MAGI2: variants seen among roughly 807,000 people sequenced by gnomAD.
The protein encoded by MAGI2 is membrane-associated guanylate kinase, WW and PDZ domain-containing protein 2.
MAGI2 carries 35 observed loss-of-function variants against 133.3 expected under a neutral mutation model. The observed-to-expected ratio is 0.26, with a 90% CI of 0.20 to 0.35. MAGI2 has a LOEUF of 0.35. Among genes scored for constraint, MAGI2 ranks in the 10% least tolerant of loss-of-function variants. The pLI, the probability that MAGI2 is intolerant of heterozygous loss-of-function variation, is 1.00. For missense variants in MAGI2, 1,636 were observed against 1,863.4 expected (o/e 0.88, Z 2.25); for synonymous variants, 729 against 710.6 (o/e 1.03, Z -0.41).
chr7:78,348,872 C>T (rs956086194), intron 7 of MAGI2, among the ~76,000 whole-genome samples: 4 of 152,154 alleles, frequency 2.6e-5, no homozygotes, highest in African/African-American at 9.6e-5. Flanking sequence ...TATTTATTTA[C>T]TAGAGTTTTG....
At chr7:78,506,734 C>A (rs1188317214) in intron 4 of MAGI2, among the ~76,000 whole-genome samples, 1 of 152,082 alleles carries the variant, frequency 6.6e-6, no homozygotes. Flanking sequence ...CACTGGCTGC[C>A]AGTTACGGCA....
chr7:78,689,686 T>TTTTTTTTTTTTTTTTTTTTTTTTTTG (rs1816754186), intron 2 of MAGI2, among the ~76,000 whole-genome samples: 1 of 74,496 alleles, frequency 1.3e-5, no homozygotes, highest in Non-Finnish European at 3.0e-5. Flanking sequence ...ATCTGGCTTT[T>TTTTTTTTTTTTTTTTTTTTTTTTTTG]TTTTTTTTTT....
At chr7:79,129,463 G>A (rs1562922217) in intron 1 of MAGI2, among the ~76,000 whole-genome samples, 1 of 152,142 alleles carries the variant, frequency 6.6e-6, no homozygotes, top group Non-Finnish European at 1.5e-5. Flanking sequence ...GGTTAGCAAC[G>A]TAATGCAACT....
At chr7:78,276,944 G>A (rs746779175) in intron 9 of MAGI2, among the ~76,000 whole-genome samples, 23 of 152,084 alleles carry the variant, frequency 1.5e-4, no homozygotes, top group Admixed American at 6.6e-5. Context: ...TAGGTCCTAA[G>A]CATTCACTTC....
At chr7:79,382,417 A>C (rs1321692692) in intron 1 of MAGI2, among the ~76,000 whole-genome samples, 3 of 151,592 alleles carry the variant, frequency 2.0e-5, no homozygotes, top group African/African-American at 7.3e-5. Flanking sequence ...ATCTCATTGC[A>C]TCATAACATC....
intron 3 of MAGI2, among the ~76,000 whole-genome samples, chr7:78,609,781 A>T (rs985833671): frequency 6.6e-6 from 1 of 152,160 alleles, no homozygotes; most frequent in Non-Finnish European, 1.5e-5. Flanking sequence ...CCTGTATTCC[A>T]TGCATACTCT....
chr7:78,350,427 T>G (rs1791384769), intron 7 of MAGI2: 1 of 152,148 alleles, frequency 6.6e-6, no homozygotes, highest in Non-Finnish European at 1.5e-5. Flanking sequence ...ATTTTTTAGA[T>G]GAAAGAAAGC....
At chr7:79,214,237 A>T (rs923224131) in intron 1 of MAGI2, among the ~76,000 whole-genome samples, 5 of 151,104 alleles carry the variant, frequency 3.3e-5, no homozygotes, top group Middle Eastern at 3.5e-3. Flanking sequence ...TTCTGGTTTG[A>T]TACTTCCTTT....
intron 10 of MAGI2, among the ~76,000 whole-genome samples, chr7:78,209,482 T>C (rs945688740): frequency 1.5e-4 from 22 of 151,596 alleles, no homozygotes; most frequent in Non-Finnish European, 2.9e-4. Flanking sequence ...AGGATGGTCT[T>C]GATCTCCTGA....
intron 2 of MAGI2, among the ~76,000 whole-genome samples, chr7:78,980,667 T>A (rs1290425839): frequency 6.6e-6 from 1 of 151,938 alleles, no homozygotes; most frequent in Non-Finnish European, 1.5e-5. Context: ...TAGTTCCTAT[T>A]TTAGATTTAA....
chr7:78,848,739 T>C (rs565919955), intron 2 of MAGI2, among the ~76,000 whole-genome samples: 1 of 152,202 alleles, frequency 6.6e-6, no homozygotes, highest in Admixed American at 6.5e-5. Context: ...GCTATTTTTC[T>C]TTGTCACTAC....
chr7:78,521,784 G>A, intron 3 of MAGI2, 139 bp from the exon 4 acceptor site: 1 of 633,140 alleles, frequency 1.6e-6, no homozygotes, highest in Non-Finnish European at 2.7e-6. Flanking sequence ...ATATATATAT[G>A]GTTTTCTATC....
At chr7:79,065,774 T>C (rs1235541017) in intron 1 of MAGI2, among the ~76,000 whole-genome samples, 2 of 152,278 alleles carry the variant, frequency 1.3e-5, no homozygotes, top group Admixed American at 1.3e-4. Context: ...TGTGTTCTCA[T>C]TGCTCAACTC....
chr7:78,239,902 G>A (rs899068765), intron 10 of MAGI2, among the ~76,000 whole-genome samples: 1 of 152,122 alleles, frequency 6.6e-6, no homozygotes, highest in Non-Finnish European at 1.5e-5. Context: ...CCACCACTAG[G>A]TATATATCTG....
chr7:78,639,173 C>T (rs1407081604), intron 2 of MAGI2, among the ~76,000 whole-genome samples: 1 of 152,016 alleles, frequency 6.6e-6, no homozygotes, highest in East Asian at 1.9e-4. Flanking sequence ...CCATTATGTC[C>T]CTATGGCATC....
At chr7:79,381,793 A>G (rs1843802230) in intron 1 of MAGI2, among the ~76,000 whole-genome samples, 1 of 151,790 alleles carries the variant, frequency 6.6e-6, no homozygotes, top group Non-Finnish European at 1.5e-5. Flanking sequence ...AACTACACAG[A>G]TATAGCCTTT....
intron 18 of MAGI2, 142 bp downstream of exon 18, chr7:78,132,747 C>G: frequency 8.1e-7 from 1 of 1,241,792 alleles, no homozygotes; most frequent in Non-Finnish European, 1.1e-6. Context: ...CACACACAAC[C>G]TCGAAATCAC....
intron 2 of MAGI2, among the ~76,000 whole-genome samples, chr7:78,695,355 C>A (rs1210316560): frequency 6.6e-6 from 1 of 152,242 alleles, no homozygotes; most frequent in Non-Finnish European, 1.5e-5. Flanking sequence ...CACTGACAGT[C>A]ACATTTACAA....
chr7:79,426,431 T>G (rs760682728), intron 1 of MAGI2, among the ~76,000 whole-genome samples: 3 of 152,168 alleles, frequency 2.0e-5, no homozygotes, highest in Non-Finnish European at 2.9e-5. Flanking sequence ...TATATTACAC[T>G]ATGCCAATCT....
Sources: allele counts gnomAD v4.1 joint callset (sites outside exome capture counted in the v4.1 genomes callset), GRCh38; gene constraint gnomAD v4.1.1; transcripts MANE v1.5; gene names NCBI Gene and HGNC (gene_info 2026-07-23, HGNC 2026-07-21).